The following FAM162A variants were observed in gnomAD, a reference collection of about 807,000 sequenced individuals.
The protein encoded by FAM162A is family with sequence similarity 162 member A, also known as protein FAM162A.
Under a neutral mutation model 21.8 loss-of-function variants are expected in FAM162A, and 23 were observed. That is an observed-to-expected ratio of 1.05 (90% CI 0.76 to 1.49). FAM162A has a LOEUF of 1.49. Ranked by LOEUF, FAM162A falls within the 40% of genes most tolerant of loss-of-function variation. The probability of loss-of-function intolerance (pLI) is 0.00; values close to 1 mark genes in which losing one functional copy is unlikely to be tolerated. For missense variants in FAM162A, 165 were observed against 186.4 expected, an observed-to-expected ratio of 0.89 and a Z score of 0.67; for synonymous variants, 53 against 61.3, an observed-to-expected ratio of 0.86 and a Z score of 0.64.
intron 1 of FAM162A, among the ~76,000 whole-genome samples, chr3:122,400,344 C>T (rs111882881): frequency 1.3e-5 from 2 of 151,510 alleles, no homozygotes; most frequent in Non-Finnish European, 2.9e-5. Flanking sequence ...ACACAGGGAG[C>T]GGAACATCAT....
chr3:122,397,258 C>T (rs1298787707), intron 1 of FAM162A, among the ~76,000 whole-genome samples: 1 of 151,924 alleles, frequency 6.6e-6, no homozygotes, highest in Non-Finnish European at 1.5e-5. Flanking sequence ...TTTTCACCAT[C>T]ATTGGGAAAA....
In FAM162A at chr3:122,407,276, A is replaced by G. The variant is rs772234221; in HGVS notation, c.264-5A>G. The G allele has an allele frequency of 3.7e-6, 6 of 1,612,382 alleles. No individual in the cohort carries two copies. Among genetic ancestry groups the G allele is most frequent in the Non-Finnish European group, 5.1e-6 (6 of 1,178,602 alleles). Reference sequence around the variant, plus strand: ...CTTTCTCTCATGATCTCATTGTATTACTAGGTTGGAGATGCTTGATGCTGC... The same window carrying G: ...CTTTCTCTCATGATCTCATTGTATTGCTAGGTTGGAGATGCTTGATGCTGC... On this transcript the variant is annotated splice_region_variant and splice_polypyrimidine_tract_variant and intron_variant, in intron 3 of 4. Transcript: ENST00000477892.
intron 1 of FAM162A, among the ~76,000 whole-genome samples, chr3:122,398,585 CTA>C (rs1163835743): frequency 6.6e-6 from 1 of 152,102 alleles, no homozygotes; most frequent in Non-Finnish European, 1.5e-5. Flanking sequence ...TTGAGGGACA[CTA>C]TAGGACTAAA....
chr3:122,394,445 C>T (rs201850289), intron 1 of FAM162A, among the ~76,000 whole-genome samples: 132 of 152,226 alleles, frequency 8.7e-4, no homozygotes, highest in South Asian at 3.3e-3. Context: ...TACTAGCTGA[C>T]CACTAAGATA....
intron 1 of FAM162A, among the ~76,000 whole-genome samples, chr3:122,390,771 T>G (rs904621122): frequency 1.3e-5 from 2 of 152,192 alleles, no homozygotes; most frequent in African/African-American, 4.8e-5. Flanking sequence ...CAGTAATCTG[T>G]TTCACAGGGT....
chr3:122,392,465 A>C (rs2075607922), intron 1 of FAM162A, among the ~76,000 whole-genome samples: 1 of 152,212 alleles, frequency 6.6e-6, no homozygotes, highest in African/African-American at 2.4e-5. Context: ...GTACACTTAA[A>C]ATAATTAAAA....
chr3:122,400,953 T>A (rs2075650503), intron 1 of FAM162A, among the ~76,000 whole-genome samples: 1 of 152,220 alleles, frequency 6.6e-6, no homozygotes, highest in Non-Finnish European at 1.5e-5. Flanking sequence ...TTTTAAATCA[T>A]AAATACATCT....
chr3:122,398,316 A>G (rs1449885414), intron 1 of FAM162A, among the ~76,000 whole-genome samples: 1 of 152,192 alleles, frequency 6.6e-6, no homozygotes, highest in Non-Finnish European at 1.5e-5. Context: ...AAAAAGATAG[A>G]TGAAAGGTTG....
intron 3 of FAM162A, among the ~76,000 whole-genome samples, chr3:122,405,998 A>G (rs1376198041): frequency 2.0e-5 from 3 of 152,124 alleles, no homozygotes; most frequent in Non-Finnish European, 4.4e-5. Context: ...CCCAGCTCCT[A>G]CATCACATTG....
Position 122,403,847 on chromosome 3 carries a change from T to C in FAM162A, c.158-411T>C, listed in dbSNP as rs186799289. Among the ~76,000 whole-genome samples, 283 of 152,354 alleles carry C rather than the reference T, an allele frequency of 1.9e-3. 1 individual carries two copies. Among genetic ancestry groups the C allele is most frequent in the African/African-American group, 6.6e-3 (275 of 41,580 alleles). On this transcript the variant is annotated intron_variant, in intron 2 of 4. Transcript: ENST00000477892. ...TATTACAGGCTCCCATTTGGACTTT[T>C]TGCCCACTCTACCGTGTCCCCCTTT... is the stretch of plus-strand genomic sequence containing the variant.
intron 4 of FAM162A, among the ~76,000 whole-genome samples, chr3:122,409,453 G>C (rs2075693141): frequency 6.6e-6 from 1 of 152,086 alleles, no homozygotes; most frequent in African/African-American, 2.4e-5. Flanking sequence ...GGAATGAGAA[G>C]AAAGTATAAG....
chr3:122,404,417 GA>G, intron 3 of FAM162A, 54 bp downstream of exon 3: 5 of 899,700 alleles, frequency 5.6e-6, no homozygotes, highest in South Asian at 3.3e-5. Flanking sequence ...TGATCTAAGG[GA>G]AAAGCAATGC....
chr3:122,384,772 G>C (rs967146867), intron 1 of FAM162A, among the ~76,000 whole-genome samples: 1 of 152,172 alleles, frequency 6.6e-6, no homozygotes, highest in Non-Finnish European at 1.5e-5. Context: ...TTAAATGTCT[G>C]ATTAGGCCAA....
chr3:122,397,852 A>C (rs2075636383), intron 1 of FAM162A, among the ~76,000 whole-genome samples: 1 of 152,230 alleles, frequency 6.6e-6, no homozygotes, highest in Non-Finnish European at 1.5e-5. Flanking sequence ...ACTGAAAAAA[A>C]ATGAGCCCCC....
intron 2 of FAM162A, 61 bp from the exon 3 acceptor site, chr3:122,404,197 T>A: frequency 1.4e-6 from 1 of 710,422 alleles, no homozygotes; most frequent in South Asian, 2.6e-5. Context: ...ATTTTTCTGT[T>A]GTTAAATTTG....
intron 3 of FAM162A, among the ~76,000 whole-genome samples, chr3:122,405,050 A>G (rs2075670903): frequency 6.6e-6 from 1 of 152,184 alleles, no homozygotes; most frequent in African/African-American, 2.4e-5. Context: ...AGACACTGCC[A>G]AATGTCCAAG....
Position 122,384,199 on chromosome 3 carries a change from C to T in FAM162A, c.-67C>T, listed in dbSNP as rs920254333. On this transcript the variant is annotated 5_prime_UTR_variant, in exon 1 of 5. Coordinates refer to ENST00000477892, the MANE Select transcript of FAM162A (RefSeq NM_014367.4). ...TCCTTCCCACTCCAACGCTGGGTGA[C>T]ATTGAGCTCACCAGCGCCACCGTCC... The T allele has an allele frequency of 1.3e-6, 2 of 1,544,982 alleles. No homozygotes were observed. Among genetic ancestry groups the T allele is most frequent in the Non-Finnish European group, 8.8e-7 (1 of 1,142,724 alleles).
chr3:122,408,085 A>G (rs959043872), intron 4 of FAM162A: 1 of 152,248 alleles, frequency 6.6e-6, no homozygotes, highest in African/African-American at 2.4e-5. Flanking sequence ...ATGACGAGCC[A>G]CAGTGTGAAC....
At chr3:122,401,580 G>A in intron 1 of FAM162A, 1 of 1,222,016 alleles carries the variant, frequency 8.2e-7, no homozygotes. Context: ...AAGCTCAGGT[G>A]ATTATAATTT....
Sources: gnomAD v4.1 joint callset for allele counts (sites outside exome capture counted in the v4.1 genomes callset) on GRCh38, gnomAD v4.1.1 for gene constraint, MANE v1.5 for transcripts, NCBI Gene and HGNC (gene_info 2026-07-23, HGNC 2026-07-21) for gene names.